The following TMEM120B variants were observed in gnomAD, a reference collection of about 807,000 sequenced individuals.
TMEM120B encodes transmembrane protein 120B.
In TMEM120B, 31 loss-of-function variants were observed where a neutral mutation model predicts 55.5. The observed-to-expected ratio is 0.56, with a 90% CI of 0.42 to 0.75. TMEM120B has a LOEUF of 0.75. Among genes scored for constraint, TMEM120B ranks in the 30% least tolerant of loss-of-function variants. TMEM120B has a pLI of 0.00. For missense variants in TMEM120B, 399 were observed against 425.5 expected (o/e 0.94, Z 0.55); for synonymous variants, 203 against 176.3 (o/e 1.15, Z -1.20).
intron 1 of TMEM120B, among the ~76,000 whole-genome samples, chr12:121,726,566 G>A (rs1335679154): frequency 7.2e-6 from 1 of 138,430 alleles, no homozygotes; most frequent in African/African-American, 2.9e-5. Flanking sequence ...GTGACAGAGC[G>A]AGACTCTGTC....
chr12:121,738,384 G>A (rs1872817295), intron 1 of TMEM120B, among the ~76,000 whole-genome samples: 1 of 152,184 alleles, frequency 6.6e-6, no homozygotes, highest in Non-Finnish European at 1.5e-5. Context: ...GCATCTGGCA[G>A]CTGATTTTGC....
At chr12:121,742,608 C>T (rs972245995) in intron 1 of TMEM120B, among the ~76,000 whole-genome samples, 6 of 151,832 alleles carry the variant, frequency 4.0e-5, no homozygotes, top group Admixed American at 6.6e-5. Context: ...TTTTTTGAGA[C>T]GGAGTTTCAT....
Position 121,775,899 on chromosome 12 carries a change from C to T in TMEM120B, c.*177C>T, listed in dbSNP as rs1304630398. 4 of 679,278 alleles carry T rather than the reference C, an allele frequency of 5.9e-6. No individual in the cohort carries two copies. The highest frequency in any genetic ancestry group is 3.3e-5 in the South Asian group (2 of 60,130). 42.1% of individuals were successfully genotyped at this position (679,278 alleles called of 1,614,324 possible). ...CCCGCCTGTCCGCACAGTGTCCGCCCACCTATTTATGACATATTTAATGCT... is the reference window on the plus strand; with the variant it reads ...CCCGCCTGTCCGCACAGTGTCCGCCTACCTATTTATGACATATTTAATGCT... On this transcript the variant is annotated 3_prime_UTR_variant, in exon 12 of 12. Coordinates refer to ENST00000449592, the MANE Select transcript of TMEM120B (RefSeq NM_001080825.2). The surrounding 1 kb of genome is among the most constrained non-coding windows in gnomAD (Gnocchi z 4.3).
chr12:121,773,232 TA>T (rs989648557), intron 8 of TMEM120B, among the ~76,000 whole-genome samples, 188 bp from the exon 9 acceptor site: 1 of 152,182 alleles, frequency 6.6e-6, no homozygotes, highest in African/African-American at 2.4e-5. Flanking sequence ...GGATAAGGGC[TA>T]AAGCAGGTTC....
intron 1 of TMEM120B, among the ~76,000 whole-genome samples, chr12:121,714,470 T>C (rs925536126): frequency 6.6e-6 from 1 of 151,826 alleles, no homozygotes; most frequent in Non-Finnish European, 1.5e-5. Flanking sequence ...TTGGCCAGGC[T>C]TCTGACCTCA....
rs11043182 is a variant in TMEM120B, at chr12:121,727,548, A to G, written c.69+14584A>G. On this transcript the variant is annotated intron_variant, in intron 1 of 11. Coordinates refer to ENST00000449592, the MANE Select transcript of TMEM120B (RefSeq NM_001080825.2). ...AGAGACCCTGTCTCAAAAAAAAAAA[A>G]AAAAAAAAAAAGACCGTGCCCTGGT... Among the ~76,000 whole-genome samples, 74 of 141,878 alleles carry G rather than the reference A, an allele frequency of 5.2e-4. 2 individuals carry two copies. The highest frequency in any genetic ancestry group is 4.4e-4 in the South Asian group (2 of 4,574). The allele number at this position is 141,878 out of a possible 152,430, so 93.1% of individuals were successfully genotyped here. A position where few individuals can be genotyped will look rare whatever the true frequency, so the allele number is the denominator to read the frequency against.
rs1249943355 is a variant in TMEM120B at position 121,776,763 on chromosome 12, G to C, written c.*1041G>C. 1.3e-5 allele frequency: 2 copies of C among 152,042 alleles called. No individual in the cohort carries two copies. The highest frequency in any genetic ancestry group is 6.6e-5 in the Admixed American group (1 of 15,256). 9.4% of individuals were successfully genotyped at this position (152,042 alleles called of 1,614,324 possible). A position where few individuals can be genotyped will look rare whatever the true frequency, so the allele number is the denominator to read the frequency against. On this transcript the variant is annotated 3_prime_UTR_variant, in exon 12 of 12. Coordinates refer to ENST00000449592, the MANE Select transcript of TMEM120B (RefSeq NM_001080825.2). ...ACAGCAGTGCCCACAGGCATGCCTT[G>C]TTTAGCCCTCCTCAAGGAATTTTAA...
chr12:121,750,824 C>CT (rs1873269278), intron 4 of TMEM120B, among the ~76,000 whole-genome samples: 1 of 135,366 alleles, frequency 7.4e-6, no homozygotes, highest in Non-Finnish European at 1.6e-5. Flanking sequence ...CACCCCACAC[C>CT]AACACCACAC....
intron 1 of TMEM120B, among the ~76,000 whole-genome samples, 165 bp downstream of exon 1, chr12:121,713,129 C>T (rs1275594823): frequency 6.6e-6 from 1 of 151,802 alleles, no homozygotes; most frequent in Non-Finnish European, 1.5e-5. Flanking sequence ...TCCCATCACC[C>T]GGCGCTTCAG....
intron 5 of TMEM120B, among the ~76,000 whole-genome samples, chr12:121,760,606 T>C (rs1281518750): frequency 1.3e-5 from 2 of 152,234 alleles, no homozygotes; most frequent in Non-Finnish European, 2.9e-5. Context: ...TGCCTCCTAG[T>C]GCACGTGCTT....
In TMEM120B at chr12:121,777,310, T is replaced by TTAATA. The variant is rs1874278169; in HGVS notation, c.*1588_*1589insTAATA. 1 of 152,118 alleles carries TTAATA rather than the reference T, an allele frequency of 6.6e-6. No individual in the cohort carries two copies. The highest frequency in any genetic ancestry group is 2.4e-5 in the African/African-American group (1 of 41,376). 9.4% of individuals were successfully genotyped at this position (152,118 alleles called of 1,614,324 possible). ...AATACTTTTTAGTAGAGATGGGGTC[T>TTAATA]CACTATGTTGCCCAGGCTGGTCTCC... On this transcript the variant is annotated 3_prime_UTR_variant, in exon 12 of 12. Coordinates refer to ENST00000449592, the MANE Select transcript of TMEM120B (RefSeq NM_001080825.2).
Position 121,775,601 on chromosome 12 carries a change from T to TC in TMEM120B, c.907-3dup. 2.5e-6 allele frequency: 4 copies of TC among 1,611,464 alleles called. No individual in the cohort carries two copies. In the South Asian group the frequency reaches 3.3e-5, roughly 13 times the overall value. On this transcript the variant is annotated splice_polypyrimidine_tract_variant and splice_region_variant and intron_variant, in intron 11 of 11. Transcript: ENST00000449592. This position sits in a 1 kb window ranked among gnomAD's most constrained non-coding sequence, Gnocchi z 4.3. ...CCCAGCCTCGCCCTCCTCTCTGGAC[T>TC]CCCCCAGGTGTTCGTACTGGCGTTC...
intron 1 of TMEM120B, among the ~76,000 whole-genome samples, chr12:121,724,576 G>T (rs1156847426): frequency 6.7e-6 from 1 of 150,150 alleles, no homozygotes; most frequent in Non-Finnish European, 1.5e-5. Context: ...AATAAAATAT[G>T]CAGGAGACCA....
intron 1 of TMEM120B, among the ~76,000 whole-genome samples, chr12:121,732,733 A>G (rs1330643559): frequency 6.6e-6 from 1 of 152,142 alleles, no homozygotes; most frequent in Non-Finnish European, 1.5e-5. Context: ...TAATCCCAGC[A>G]CTTTGGGAGG....
chr12:121,735,523 C>T (rs963053295), intron 1 of TMEM120B, among the ~76,000 whole-genome samples: 10 of 149,784 alleles, frequency 6.7e-5, no homozygotes, highest in African/African-American at 1.2e-4. Context: ...CTCAGCCTCC[C>T]GAGTAGCTGG....
Position 121,779,905 on chromosome 12 carries a change from G to A in TMEM120B, c.*4183G>A, listed in dbSNP as rs1203403356. 4 of 492,114 alleles carry A rather than the reference G, an allele frequency of 8.1e-6. No individual in the cohort carries two copies. Among genetic ancestry groups the A allele is most frequent in the East Asian group, 3.2e-5 (1 of 31,340 alleles). The allele number at this position is 492,114 out of a possible 1,614,324, so 30.5% of individuals were successfully genotyped here. A position where few individuals can be genotyped will look rare whatever the true frequency, so the allele number is the denominator to read the frequency against. ...CCCACCCTGGCCTCTCTCCAGCTCCGGGCAGGGAGGGGCTGAATCCTGAGA... is the reference window on the plus strand; with the variant it reads ...CCCACCCTGGCCTCTCTCCAGCTCCAGGCAGGGAGGGGCTGAATCCTGAGA... On this transcript the variant is annotated 3_prime_UTR_variant, in exon 12 of 12. Coordinates refer to ENST00000449592, the MANE Select transcript of TMEM120B (RefSeq NM_001080825.2).
At chr12:121,727,644 C>T (rs956966576) in intron 1 of TMEM120B, among the ~76,000 whole-genome samples, 1 of 150,950 alleles carries the variant, frequency 6.6e-6, no homozygotes, top group African/African-American at 2.4e-5. Flanking sequence ...GAGGCCGAGG[C>T]GGGCGGATCA....
chr12:121,751,247 C>T (rs1275952473), intron 4 of TMEM120B, among the ~76,000 whole-genome samples: 2 of 133,408 alleles, frequency 1.5e-5, no homozygotes, highest in African/African-American at 5.8e-5. Flanking sequence ...ATTCACACCC[C>T]ACACCTAATA....
At chr12:121,750,858 AC>A (rs1873274536) in intron 4 of TMEM120B, among the ~76,000 whole-genome samples, 1 of 80,668 alleles carries the variant, frequency 1.2e-5, no homozygotes, top group Non-Finnish European at 2.4e-5. Context: ...CCCCATACCC[AC>A]ACCCCACACC....
Sources: gnomAD v4.1 joint callset for allele counts (sites outside exome capture counted in the v4.1 genomes callset) on GRCh38, gnomAD v4.1.1 for gene constraint, Gnocchi (gnomAD v3.1) non-coding constraint, MANE v1.5 for transcripts, NCBI Gene and HGNC (gene_info 2026-07-23, HGNC 2026-07-21) for gene names.